Variants in MBD5 observed in about 807,000 individuals in gnomAD.
MBD5 encodes methyl-CpG binding domain protein 5.
Under a neutral mutation model 117.3 loss-of-function variants are expected in MBD5, and 13 were observed. That is an observed-to-expected ratio of 0.11 (90% CI 0.07 to 0.18). The LOEUF is 0.18. MBD5 is among the 10% of genes least tolerant of loss of function. The pLI is 1.00. For missense variants in MBD5, 1,879 were observed against 2,093.8 expected (o/e 0.90, Z 2.00); for synonymous variants, 727 against 766.4 (o/e 0.95, Z 0.85).
chr2:148,403,544 T>C (rs1003430181), intron 4 of MBD5, among the ~76,000 whole-genome samples: 1 of 152,236 alleles, frequency 6.6e-6, no homozygotes, highest in Non-Finnish European at 1.5e-5. Flanking sequence ...GATGTTTCCA[T>C]TGATTTCTAA....
chr2:148,262,230 G>A (rs1205182407), intron 3 of MBD5, among the ~76,000 whole-genome samples: 1 of 152,076 alleles, frequency 6.6e-6, no homozygotes, highest in African/African-American at 2.4e-5. Flanking sequence ...CACAATATCT[G>A]TGAAGAGCAA....
chr2:148,498,597 A>G (rs1225844406), intron 11 of MBD5, among the ~76,000 whole-genome samples: 1 of 152,084 alleles, frequency 6.6e-6, no homozygotes, highest in Non-Finnish European at 1.5e-5. Context: ...CGACCTCCCA[A>G]AGTGCTGGGA....
At chr2:148,118,394 A>G (rs1167311995) in intron 1 of MBD5, among the ~76,000 whole-genome samples, 1 of 151,802 alleles carries the variant, frequency 6.6e-6, no homozygotes, top group African/African-American at 2.4e-5. Flanking sequence ...AGGATGGCTT[A>G]AGCCCAGGAG....
At chr2:148,485,439 A>G (rs1681305563) in intron 9 of MBD5, 1 of 301,142 alleles carries the variant, frequency 3.3e-6, no homozygotes, top group Non-Finnish European at 6.2e-6. Flanking sequence ...CTAAAATCTA[A>G]AAATAGATGA....
At chr2:148,150,702 A>G (rs1697633486) in intron 1 of MBD5, among the ~76,000 whole-genome samples, 1 of 152,028 alleles carries the variant, frequency 6.6e-6, no homozygotes, top group Admixed American at 6.6e-5. Flanking sequence ...TCTTTGAAGC[A>G]ATTGTGAATG....
chr2:148,224,851 A>G (rs1699781474), intron 2 of MBD5, among the ~76,000 whole-genome samples: 1 of 152,022 alleles, frequency 6.6e-6, no homozygotes, highest in Admixed American at 6.5e-5. Flanking sequence ...TTGACTATAA[A>G]TCTATTTTGT....
chr2:148,209,517 T>G (rs1160641803), intron 2 of MBD5, among the ~76,000 whole-genome samples: 6 of 151,562 alleles, frequency 4.0e-5, no homozygotes, highest in African/African-American at 1.5e-4. Context: ...AACTTCTTTT[T>G]TCTTTCTTTT....
intron 8 of MBD5, among the ~76,000 whole-genome samples, chr2:148,477,045 C>A (rs1294422668): frequency 6.6e-6 from 1 of 151,788 alleles, no homozygotes; most frequent in Non-Finnish European, 1.5e-5. Context: ...TGAAAAATCC[C>A]AAGCATTTTA....
intron 4 of MBD5, among the ~76,000 whole-genome samples, chr2:148,420,338 T>G (rs1381605097): frequency 6.6e-6 from 1 of 152,190 alleles, no homozygotes; most frequent in Non-Finnish European, 1.5e-5. Flanking sequence ...AGTAACACAG[T>G]TAGCATATCC....
intron 3 of MBD5, among the ~76,000 whole-genome samples, chr2:148,319,063 T>C (rs992288827): frequency 1.3e-5 from 2 of 152,118 alleles, no homozygotes; most frequent in African/African-American, 4.8e-5. Context: ...GTTGGTTATA[T>C]GTGTATGGCT....
intron 3 of MBD5, among the ~76,000 whole-genome samples, chr2:148,253,103 T>C (rs1016691184): frequency 6.6e-6 from 1 of 151,954 alleles, no homozygotes; most frequent in South Asian, 2.1e-4. Flanking sequence ...TAGATCTAAG[T>C]AAAAAAGATT....
chr2:148,089,181 A>C (rs1695874648), intron 1 of MBD5, among the ~76,000 whole-genome samples: 1 of 152,136 alleles, frequency 6.6e-6, no homozygotes, highest in Admixed American at 6.5e-5. Context: ...TGCACCTAAC[A>C]TAGGAGCCTC....
At chr2:148,363,844 T>C (rs1703616094) in intron 4 of MBD5, among the ~76,000 whole-genome samples, 1 of 152,100 alleles carries the variant, frequency 6.6e-6, no homozygotes, top group Non-Finnish European at 1.5e-5. Flanking sequence ...TATGGGACTA[T>C]GTGAAAAGAC....
chr2:148,094,187 T>G (rs1024229848), intron 1 of MBD5, among the ~76,000 whole-genome samples: 1 of 152,206 alleles, frequency 6.6e-6, no homozygotes, highest in East Asian at 1.9e-4. Context: ...GTTACTTGTA[T>G]GTTGAGACCT....
At position 148,514,159 on chromosome 2, in the gene MBD5, A is replaced by G. The variant is rs1682292863; in HGVS notation, c.*1218A>G. On this transcript the variant is annotated 3_prime_UTR_variant, in exon 14 of 14. Transcript: ENST00000642680. Reference sequence around the variant, plus strand: ...TTAAAGAATTATTTATACCATTAACAGATTCTTATATATATTAATGTGGCA... The same window carrying G: ...TTAAAGAATTATTTATACCATTAACGGATTCTTATATATATTAATGTGGCA... 6.6e-6 allele frequency: 1 copy of G among 152,212 alleles called. No homozygotes were observed. The highest frequency in any genetic ancestry group is 2.4e-5 in the African/African-American group (1 of 41,464). The allele number at this position is 152,212 out of a possible 1,614,324, so 9.4% of individuals were successfully genotyped here. A position where few individuals can be genotyped will look rare whatever the true frequency, so the allele number is the denominator to read the frequency against.
intron 1 of MBD5, chr2:148,028,477 T>C (rs141843777): frequency 3.3e-5 from 5 of 152,230 alleles, no homozygotes; most frequent in African/African-American, 1.2e-4. Flanking sequence ...TAAATTATAC[T>C]TAGGGTTATC....
At chr2:148,260,148 T>C (rs1700699398) in intron 3 of MBD5, among the ~76,000 whole-genome samples, 1 of 152,204 alleles carries the variant, frequency 6.6e-6, no homozygotes. Flanking sequence ...TGCAGTTTGA[T>C]AGAATTTTAG....
chr2:148,440,017 G>C (rs900470313), intron 4 of MBD5, among the ~76,000 whole-genome samples: 5 of 152,068 alleles, frequency 3.3e-5, no homozygotes, highest in African/African-American at 1.2e-4. Context: ...AAGATTACAG[G>C]AGTGAGCCAC....
intron 1 of MBD5, among the ~76,000 whole-genome samples, chr2:148,046,270 C>A (rs982051663): frequency 6.6e-6 from 1 of 152,132 alleles, no homozygotes; most frequent in Non-Finnish European, 1.5e-5. Flanking sequence ...GCATGAGCCA[C>A]TGCACCCAAC....
Sources: gnomAD v4.1 joint callset for allele counts (sites outside exome capture counted in the v4.1 genomes callset) on GRCh38, gnomAD v4.1.1 for gene constraint, MANE v1.5 for transcripts, NCBI Gene and HGNC (gene_info 2026-07-23, HGNC 2026-07-21) for gene names.